SHISA6: variants seen among roughly 807,000 people sequenced by gnomAD.
The protein encoded by SHISA6 is shisa family member 6.
In SHISA6, 22 loss-of-function variants were observed where a neutral mutation model predicts 47.9. The observed-to-expected ratio is 0.46, with a 90% CI of 0.33 to 0.66. The LOEUF is 0.66. SHISA6 is among the 30% of genes least tolerant of loss of function. SHISA6 has a pLI of 0.02. For missense variants in SHISA6, 680 were observed against 764.6 expected (o/e 0.89, Z 1.30); for synonymous variants, 388 against 337.8 (o/e 1.15, Z -1.63).
chr17:11,343,729 A>G (rs1911609990), intron 2 of SHISA6, among the ~76,000 whole-genome samples: 1 of 152,220 alleles, frequency 6.6e-6, no homozygotes, highest in Non-Finnish European at 1.5e-5. Context: ...CTGAGAGGTG[A>G]GTTGCTCTCC....
At chr17:11,514,986 T>C (rs144950502) in intron 3 of SHISA6, among the ~76,000 whole-genome samples, 2 of 152,306 alleles carry the variant, frequency 1.3e-5, no homozygotes, top group Admixed American at 6.5e-5. Flanking sequence ...AACAGTGGTC[T>C]TCCCAGGGGT....
intron 2 of SHISA6, among the ~76,000 whole-genome samples, chr17:11,280,586 G>T (rs1909084875): frequency 1.3e-5 from 2 of 152,204 alleles, no homozygotes; most frequent in African/African-American, 4.8e-5. Context: ...TGCATACCAG[G>T]CCTAGTGCCA....
chr17:11,422,661 C>T (rs898726841), intron 3 of SHISA6, among the ~76,000 whole-genome samples: 7 of 151,650 alleles, frequency 4.6e-5, no homozygotes, highest in Non-Finnish European at 1.0e-4. Context: ...ACGCAAGAGG[C>T]TAAGGCACAG....
intron 1 of SHISA6, among the ~76,000 whole-genome samples, chr17:11,253,717 C>T (rs1290148767): frequency 6.6e-6 from 1 of 152,108 alleles, no homozygotes; most frequent in African/African-American, 2.4e-5. Flanking sequence ...TGCTAATTTT[C>T]CCTCTTCTTG....
intron 1 of SHISA6, among the ~76,000 whole-genome samples, chr17:11,262,814 G>A (rs1185869314): frequency 6.6e-6 from 1 of 152,130 alleles, no homozygotes; most frequent in African/African-American, 2.4e-5. Context: ...CACCATCCAC[G>A]TGTTTTGATT....
intron 3 of SHISA6, among the ~76,000 whole-genome samples, chr17:11,471,132 C>T (rs932437620): frequency 2.7e-5 from 4 of 150,676 alleles, no homozygotes; most frequent in South Asian, 4.2e-4. Flanking sequence ...TCGCTTGAAC[C>T]CGGGAGGCGG....
intron 3 of SHISA6, among the ~76,000 whole-genome samples, chr17:11,467,790 G>A (rs1382764147): frequency 6.6e-6 from 1 of 152,200 alleles, no homozygotes. Context: ...TCCAGGGTAA[G>A]TGCCTGAAAG....
intron 3 of SHISA6, among the ~76,000 whole-genome samples, chr17:11,542,790 T>G (rs980231181): frequency 4.6e-5 from 7 of 152,170 alleles, no homozygotes; most frequent in African/African-American, 1.7e-4. Context: ...CCAACATGAT[T>G]CTCTGTGAAG....
At chr17:11,394,691 T>C (rs1366993712) in intron 3 of SHISA6, among the ~76,000 whole-genome samples, 1 of 152,114 alleles carries the variant, frequency 6.6e-6, no homozygotes, top group Non-Finnish European at 1.5e-5. Context: ...GATTTTTTAA[T>C]GTTTTTATTT....
intron 3 of SHISA6, among the ~76,000 whole-genome samples, chr17:11,531,395 T>C (rs1208177596): frequency 6.6e-6 from 1 of 151,760 alleles, no homozygotes; most frequent in Admixed American, 6.6e-5. Context: ...CAGATGGGGG[T>C]TTTCCACAGT....
chr17:11,474,405 GTTTTT>G (rs55978546), intron 3 of SHISA6, among the ~76,000 whole-genome samples: 9 of 141,466 alleles, frequency 6.4e-5, no homozygotes, highest in African/African-American at 2.1e-4. Flanking sequence ...CTTTTTGATG[GTTTTT>G]TTTTTTTTTT....
intron 3 of SHISA6, among the ~76,000 whole-genome samples, chr17:11,503,133 C>T (rs2071469202): frequency 6.6e-6 from 1 of 152,132 alleles, no homozygotes; most frequent in African/African-American, 2.4e-5. Context: ...ATCTAGTCCT[C>T]ATATAACAGA....
chr17:11,241,556 G>A lies in SHISA6; in HGVS notation c.134G>A (p.Arg45Gln), dbSNP rs1275521924. ...LSAGGAAVGGRRAGGALARGG... is the reference protein window; with the variant it reads ...LSAGGAAVGGQRAGGALARGG... ...GCAGGCGGCGCTGCCGTCGGGGGCC[G>A]GAGGGCCGGGGGCGCCCTGGCACGG... The change falls in exon 1 of 6, where the codon CGG becomes CAG. Residue 45 changes from arginine (R) to glutamine (Q), a missense_variant. Coordinates refer to ENST00000441885, the MANE Select transcript of SHISA6 (RefSeq NM_207386.4). This position sits in a 1 kb window ranked among gnomAD's most constrained non-coding sequence, Gnocchi z 5.5. The A allele has an allele frequency of 2.8e-6, 3 of 1,087,314 alleles. No individual in the cohort carries two copies. Among genetic ancestry groups the A allele is most frequent in the South Asian group, 8.1e-5 (2 of 24,694 alleles). 67.4% of individuals were successfully genotyped at this position (1,087,314 alleles called of 1,614,324 possible).
chr17:11,500,075 C>T (rs1031716066), intron 3 of SHISA6, among the ~76,000 whole-genome samples: 9 of 152,228 alleles, frequency 5.9e-5, no homozygotes, highest in African/African-American at 2.2e-4. Flanking sequence ...TGGGCAGGGA[C>T]CCAGGCAGAG....
At chr17:11,245,532 A>G (rs538431856) in intron 1 of SHISA6, among the ~76,000 whole-genome samples, 2 of 152,102 alleles carry the variant, frequency 1.3e-5, no homozygotes, top group African/African-American at 4.8e-5. Context: ...CTCACATCCA[A>G]ACCTGTTCCT....
intron 2 of SHISA6, among the ~76,000 whole-genome samples, chr17:11,279,361 A>C (rs187429146): frequency 6.6e-6 from 1 of 152,162 alleles, no homozygotes; most frequent in Non-Finnish European, 1.5e-5. Flanking sequence ...GACAATAAAC[A>C]TAAAGCAACA....
chr17:11,401,040 G>T (rs1383850548), intron 3 of SHISA6, among the ~76,000 whole-genome samples: 2 of 152,164 alleles, frequency 1.3e-5, no homozygotes, highest in African/African-American at 4.8e-5. Flanking sequence ...TATGTCATGT[G>T]TTTCTAGTGG....
At chr17:11,415,188 CTAAG>C (rs1914247838) in intron 3 of SHISA6, among the ~76,000 whole-genome samples, 3 of 151,990 alleles carry the variant, frequency 2.0e-5, no homozygotes, top group Admixed American at 2.0e-4. Context: ...TGGTGGTGTA[CTAAG>C]TATTTGTATG....
In SHISA6 at chr17:11,241,591, G is replaced by C; in HGVS notation, c.169G>C (p.Glu57Gln). The C allele has an allele frequency of 8.4e-7, 1 of 1,187,640 alleles. No homozygotes were observed. The highest frequency in any genetic ancestry group is 1.0e-6 in the Non-Finnish European group (1 of 963,030). 73.6% of individuals were successfully genotyped at this position (1,187,640 alleles called of 1,614,324 possible). A position where few individuals can be genotyped will look rare whatever the true frequency, so the allele number is the denominator to read the frequency against. Residue 57 changes from glutamate to glutamine, a missense_variant, in exon 1 of 6, where the codon GAG (glutamate) becomes CAG (glutamine). Coordinates refer to ENST00000441885, the MANE Select transcript of SHISA6 (RefSeq NM_207386.4). This position sits in a 1 kb window ranked among gnomAD's most constrained non-coding sequence, Gnocchi z 5.5. ...AGGALARGGR[E>Q]LNGTARAPGI... ...GGGCGCCCTGGCACGGGGCGGCCGCGAGCTGAACGGCACCGCCCGGGCGCC... is the reference window on the plus strand; with the variant it reads ...GGGCGCCCTGGCACGGGGCGGCCGCCAGCTGAACGGCACCGCCCGGGCGCC...
Sources: gnomAD v4.1 joint callset for allele counts (sites outside exome capture counted in the v4.1 genomes callset) on GRCh38, gnomAD v4.1.1 for gene constraint, Gnocchi (gnomAD v3.1) non-coding constraint, MANE v1.5 for transcripts, NCBI Gene and HGNC (gene_info 2026-07-23, HGNC 2026-07-21) for gene names.